The following TPO variants were observed in gnomAD, a reference collection of about 807,000 sequenced individuals.
The protein encoded by TPO is thyroid microsomal antigen.
In TPO, 78 loss-of-function variants were observed where a neutral mutation model predicts 96.9. The observed-to-expected ratio is 0.81, with a 90% CI of 0.67 to 0.97. The LOEUF is 0.97. TPO is among the 50% of genes least tolerant of loss of function. The pLI is 0.00. For missense variants in TPO, 1,252 were observed against 1,274.8 expected, an observed-to-expected ratio of 0.98 and a Z score of 0.27; for synonymous variants, 547 against 538.0, an observed-to-expected ratio of 1.02 and a Z score of -0.23.
chr2:1,374,651 T>C (rs1661690795), intron 1 of TPO, among the ~76,000 whole-genome samples: 1 of 152,118 alleles, frequency 6.6e-6, no homozygotes, highest in Non-Finnish European at 1.5e-5. Context: ...TTAATGAGGA[T>C]TTATTTGAAA....
intron 5 of TPO, among the ~76,000 whole-genome samples, chr2:1,445,164 A>G (rs60724362): frequency 2.1e-3 from 128 of 59,944 alleles, no homozygotes; most frequent in African/African-American, 2.8e-3. Context: ...TGTTGGAAGG[A>G]AATGGGGCAG....
chr2:1,401,783 C>G (rs963930749), intron 1 of TPO, among the ~76,000 whole-genome samples: 7 of 152,198 alleles, frequency 4.6e-5, no homozygotes, highest in Non-Finnish European at 8.8e-5. Flanking sequence ...CCAGGAAACT[C>G]TAGCCTGCAA....
chr2:1,528,432 A>C (rs546402001), intron 15 of TPO, among the ~76,000 whole-genome samples: 8 of 140,418 alleles, frequency 5.7e-5, no homozygotes, highest in African/African-American at 1.9e-4. Flanking sequence ...ACCTGCTCAA[A>C]TCCCCCCACT....
At chr2:1,383,597 A>AG (rs1661843820) in intron 1 of TPO, among the ~76,000 whole-genome samples, 1 of 151,896 alleles carries the variant, frequency 6.6e-6, no homozygotes, top group Non-Finnish European at 1.5e-5. Context: ...AATTTGTTTG[A>AG]GTTCTTTGTA....
intron 16 of TPO, chr2:1,540,939 A>G: frequency 6.6e-7 from 1 of 1,526,680 alleles, no homozygotes; most frequent in African/African-American, 1.4e-5. Flanking sequence ...GATGCCTTCC[A>G]TTTGTACAAA....
At chr2:1,390,411 A>C (rs537794373) in intron 1 of TPO, among the ~76,000 whole-genome samples, 4 of 152,224 alleles carry the variant, frequency 2.6e-5, no homozygotes, top group Admixed American at 2.6e-4. Context: ...TTGTGGCAGA[A>C]TTGAATCCAA....
intron 3 of TPO, among the ~76,000 whole-genome samples, chr2:1,423,663 C>G (rs1558266620): frequency 6.6e-6 from 1 of 152,138 alleles, no homozygotes; most frequent in East Asian, 1.9e-4. Context: ...ACCTGTAAAG[C>G]AGTTTGCCCT....
intron 2 of TPO, among the ~76,000 whole-genome samples, chr2:1,417,067 G>A (rs1289100734): frequency 2.0e-5 from 3 of 152,248 alleles, no homozygotes; most frequent in South Asian, 4.1e-4. Context: ...GGCTGTGGCC[G>A]CTCAGTCTCA....
At chr2:1,386,639 C>T (rs1052423525) in intron 1 of TPO, among the ~76,000 whole-genome samples, 2 of 152,152 alleles carry the variant, frequency 1.3e-5, no homozygotes, top group African/African-American at 4.8e-5. Context: ...GAATACAGCA[C>T]ACTGATGGGT....
At chr2:1,401,411 G>C (rs1273179707) in intron 1 of TPO, among the ~76,000 whole-genome samples, 1 of 152,148 alleles carries the variant, frequency 6.6e-6, no homozygotes, top group Non-Finnish European at 1.5e-5. Context: ...GGTGGTTTCT[G>C]ATTAGTAAAG....
intron 8 of TPO, among the ~76,000 whole-genome samples, chr2:1,480,558 C>CCACACACACACACACACACACA (rs1277829491): frequency 5.7e-5 from 2 of 35,352 alleles, no homozygotes; most frequent in Non-Finnish European, 1.1e-4. Context: ...CTCAAACCCC[C>CCACACACACACACACACACACA]TACACACACA....
intron 14 of TPO, among the ~76,000 whole-genome samples, chr2:1,505,907 A>G (rs13396955): frequency 0.6 from 89,906 of 149,150 alleles, 27,383 homozygotes; most frequent in African/African-American, 0.7. Context: ...ACATGTGCAC[A>G]ACGTGCAGGT....
chr2:1,379,095 A>G (rs1327730104), intron 1 of TPO, among the ~76,000 whole-genome samples: 2 of 152,164 alleles, frequency 1.3e-5, no homozygotes, highest in Non-Finnish European at 2.9e-5. Flanking sequence ...ACCTAAGGTC[A>G]GGAGCTCAAG....
rs1172821014 is a variant in TPO, at chr2:1,503,949, T to C, written c.2388T>C (p.Asp796=). 5 of 1,613,990 alleles carry C rather than the reference T, an allele frequency of 3.1e-6. No homozygotes were observed. In the Admixed American group the frequency reaches 8.3e-5, roughly 27 times the overall value. ...GWDFQPPLCK[D]VNECADGAHP... Reference sequence around the variant, plus strand: ...TGTGTGGCCTTGTGTGTCTGGCAGATGTGAACGAGTGTGCAGACGGTGCCC... The same window carrying C: ...TGTGTGGCCTTGTGTGTCTGGCAGACGTGAACGAGTGTGCAGACGGTGCCC... The change falls in exon 14 of 17, where the codon GAT becomes GAC. Residue 796 remains aspartate, a splice_region_variant and synonymous_variant. Transcript: ENST00000329066.
chr2:1,435,898 A>G (rs902644903), intron 4 of TPO, among the ~76,000 whole-genome samples: 10 of 152,314 alleles, frequency 6.6e-5, no homozygotes, highest in African/African-American at 2.4e-4. Context: ...CACTGTTCGA[A>G]TATGATGAAT....
intron 5 of TPO, among the ~76,000 whole-genome samples, chr2:1,451,626 TG>T (rs1166546928): frequency 6.6e-6 from 1 of 152,208 alleles, no homozygotes; most frequent in African/African-American, 2.4e-5. Context: ...GACTCAGCCC[TG>T]GTTGTGTTGC....
At chr2:1,381,099 A>G (rs1439168256) in intron 1 of TPO, among the ~76,000 whole-genome samples, 1 of 152,234 alleles carries the variant, frequency 6.6e-6, no homozygotes, top group Admixed American at 6.5e-5. Flanking sequence ...TTCAGGACAT[A>G]GGCATGGGCA....
At chr2:1,419,290 C>T (rs1965405) in intron 2 of TPO, among the ~76,000 whole-genome samples, 5,881 of 152,152 alleles carry the variant, frequency 0.039, 398 homozygotes, top group African/African-American at 0.13. Flanking sequence ...TTCAAACTCC[C>T]TAAGTCTATG....
intron 15 of TPO, among the ~76,000 whole-genome samples, chr2:1,526,261 C>G (rs1676474072): frequency 9.7e-6 from 1 of 103,430 alleles, no homozygotes; most frequent in Non-Finnish European, 1.9e-5. Context: ...CCACTGTGAG[C>G]AACCACCCCA....
Sources: gnomAD v4.1 joint callset for allele counts (sites outside exome capture counted in the v4.1 genomes callset) on GRCh38, gnomAD v4.1.1 for gene constraint, MANE v1.5 for transcripts, NCBI Gene and HGNC (gene_info 2026-07-23, HGNC 2026-07-21) for gene names.